Variants in ENTREP2 observed in about 807,000 individuals in gnomAD.
The protein encoded by ENTREP2 is protein ENTREP2.
At chr15:29,170,752 G>A in the ENTREP2 span, among the ~76,000 whole-genome samples, 1 of 152,330 alleles carries the variant, frequency 6.6e-6, no homozygotes, top group Admixed American at 6.5e-5. Context: ...ACTCGACCAT[G>A]CTGGCACTTT....
chr15:29,515,818 T>G, the ENTREP2 span, among the ~76,000 whole-genome samples: 1 of 152,112 alleles, frequency 6.6e-6, no homozygotes, highest in Non-Finnish European at 1.5e-5. Flanking sequence ...CCTGGCCATA[T>G]CCCCAGGTGT....
the ENTREP2 span, among the ~76,000 whole-genome samples, chr15:29,653,913 A>G: frequency 6.6e-6 from 1 of 152,184 alleles, no homozygotes; most frequent in East Asian, 1.9e-4. Context: ...TTTTAAATGC[A>G]TCTCTGACTT....
At chr15:29,626,073 C>G in the ENTREP2 span, among the ~76,000 whole-genome samples, 1 of 152,140 alleles carries the variant, frequency 6.6e-6, no homozygotes, top group African/African-American at 2.4e-5. Flanking sequence ...GTCTTGAACT[C>G]GTGACCTATA....
chr15:29,165,791 G>A, the ENTREP2 span, among the ~76,000 whole-genome samples: 1 of 152,018 alleles, frequency 6.6e-6, no homozygotes, highest in Non-Finnish European at 1.5e-5. Flanking sequence ...CAAGATAAGA[G>A]AAAGAAGGAA....
chr15:29,660,743 GA>G, the ENTREP2 span, among the ~76,000 whole-genome samples: 1 of 152,206 alleles, frequency 6.6e-6, no homozygotes, highest in Non-Finnish European at 1.5e-5. Context: ...TTGGCAATTA[GA>G]ATCCAATAAT....
the ENTREP2 span, among the ~76,000 whole-genome samples, chr15:29,656,022 T>TTAAA: frequency 2.0e-5 from 2 of 100,400 alleles, no homozygotes; most frequent in African/African-American, 7.0e-5. Flanking sequence ...ACACTCCGTT[T>TTAAA]AAAAAAAAAA....
chr15:29,372,443 C>T, the ENTREP2 span, among the ~76,000 whole-genome samples: 8 of 152,222 alleles, frequency 5.3e-5, no homozygotes, highest in East Asian at 5.8e-4. Flanking sequence ...GGCTTCCAGT[C>T]GGCAGTTGCT....
the ENTREP2 span, among the ~76,000 whole-genome samples, chr15:29,224,866 C>T: frequency 1.2e-4 from 19 of 152,154 alleles, no homozygotes; most frequent in African/African-American, 4.6e-4. Context: ...TGGGGAGGCT[C>T]CCGCAGCACA....
chr15:29,644,541 G>A, the ENTREP2 span, among the ~76,000 whole-genome samples: 2 of 152,158 alleles, frequency 1.3e-5, no homozygotes, highest in Admixed American at 6.5e-5. Flanking sequence ...GGTGGCCCAC[G>A]CCTGTAATCC....
the ENTREP2 span, among the ~76,000 whole-genome samples, chr15:29,368,337 A>AAAAAT: frequency 4.1e-5 from 6 of 146,184 alleles, no homozygotes; most frequent in South Asian, 2.2e-4. Flanking sequence ...CAAAAAAAAA[A>AAAAAT]ATATATATAT....
the ENTREP2 span, among the ~76,000 whole-genome samples, chr15:29,252,821 AAG>A: frequency 2.0e-5 from 3 of 152,222 alleles, no homozygotes; most frequent in East Asian, 5.8e-4. Context: ...AATCAAGTGA[AAG>A]AAGTATATTT....
the ENTREP2 span, among the ~76,000 whole-genome samples, chr15:29,297,132 G>A: frequency 6.6e-6 from 1 of 152,086 alleles, no homozygotes; most frequent in Non-Finnish European, 1.5e-5. Context: ...AACACTCTCT[G>A]AAGCGAACAA....
chr15:29,567,655 G>C, the ENTREP2 span, among the ~76,000 whole-genome samples: 14,126 of 152,168 alleles, frequency 0.093, 2,227 homozygotes, highest in African/African-American at 0.32. Flanking sequence ...TCCAAACTCA[G>C]GGAGAGGGAA....
chr15:29,464,725 C>T, the ENTREP2 span, among the ~76,000 whole-genome samples: 5 of 152,124 alleles, frequency 3.3e-5, no homozygotes, highest in Admixed American at 2.6e-4. Flanking sequence ...GGAGGGGCCC[C>T]CTGGGCAGGG....
At chr15:29,601,570 G>A in the ENTREP2 span, among the ~76,000 whole-genome samples, 1 of 151,974 alleles carries the variant, frequency 6.6e-6, no homozygotes, top group African/African-American at 2.4e-5. Context: ...TTCTCCGAAG[G>A]TGGCAGGGTC....
chr15:29,204,643 G>A, the ENTREP2 span, among the ~76,000 whole-genome samples: 1 of 152,092 alleles, frequency 6.6e-6, no homozygotes, highest in Non-Finnish European at 1.5e-5. Context: ...ACCCCAGTGA[G>A]GATCAAATGA....
the ENTREP2 span, among the ~76,000 whole-genome samples, chr15:29,295,607 A>G: frequency 6.6e-6 from 1 of 152,214 alleles, no homozygotes; most frequent in Admixed American, 6.5e-5. Context: ...AACAATAGCT[A>G]TTGATAAAAC....
the ENTREP2 span, among the ~76,000 whole-genome samples, chr15:29,441,630 AT>A: frequency 8.5e-5 from 13 of 152,238 alleles, no homozygotes; most frequent in Admixed American, 5.9e-4. Context: ...TATAGACGAT[AT>A]TTTTTTAATT....
chr15:29,567,498 T>C, the ENTREP2 span, among the ~76,000 whole-genome samples: 4 of 152,188 alleles, frequency 2.6e-5, no homozygotes, highest in African/African-American at 9.6e-5. Context: ...AGCTACTTCA[T>C]AGCTGAGTGA....
Sources: allele counts gnomAD v4.1 joint callset (sites outside exome capture counted in the v4.1 genomes callset), GRCh38; gene constraint gnomAD v4.1.1; transcripts MANE v1.5; gene names NCBI Gene and HGNC (gene_info 2026-07-23, HGNC 2026-07-21).